Variants in LRRC7 observed in about 807,000 individuals in gnomAD.
The protein encoded by LRRC7 is leucine rich repeat containing 7.
Under a neutral mutation model 175.7 loss-of-function variants are expected in LRRC7, and 23 were observed. That is an observed-to-expected ratio of 0.13 (90% confidence interval 0.09 to 0.19). The LOEUF (loss-of-function observed/expected upper bound fraction) is 0.19. LRRC7 is among the 10% of genes least tolerant of loss of function. The pLI, the probability that LRRC7 is intolerant of heterozygous loss-of-function variation, is 1.00. For synonymous variants in LRRC7, 685 were observed against 680.9 expected, an observed-to-expected ratio of 1.01 and a Z score of -0.09; for missense variants, 1,354 against 1,904.7, an observed-to-expected ratio of 0.71 and a Z score of 5.38.
intron 9 of LRRC7, among the ~76,000 whole-genome samples, chr1:69,982,934 G>T (rs570743996): frequency 2.4e-4 from 37 of 152,254 alleles, no homozygotes; most frequent in African/African-American, 8.2e-4. Context: ...ATTCCAAAAA[G>T]AATGTTTAGG....
At chr1:69,587,242 C>A (rs1022716365) in intron 1 of LRRC7, among the ~76,000 whole-genome samples, 5 of 152,004 alleles carry the variant, frequency 3.3e-5, no homozygotes, top group Non-Finnish European at 7.4e-5. Context: ...TATGCTTTTT[C>A]TTCTAATTTT....
intron 9 of LRRC7, among the ~76,000 whole-genome samples, chr1:69,983,113 G>A (rs1258711802): frequency 6.6e-6 from 1 of 152,158 alleles, no homozygotes; most frequent in Non-Finnish European, 1.5e-5. Flanking sequence ...AGTGAACTTA[G>A]GTAACATGAT....
At chr1:69,966,691 C>T (rs893736390) in intron 8 of LRRC7, among the ~76,000 whole-genome samples, 2 of 152,206 alleles carry the variant, frequency 1.3e-5, no homozygotes, top group African/African-American at 4.8e-5. Context: ...AGATTGTCCG[C>T]CCCGAGCACA....
At chr1:69,774,221 G>A (rs147733845) in intron 3 of LRRC7, among the ~76,000 whole-genome samples, 41 of 152,250 alleles carry the variant, frequency 2.7e-4, no homozygotes, top group South Asian at 1.0e-3. Flanking sequence ...TGCTGCAGCC[G>A]GCTATACAGG....
chr1:70,080,834 T>C (rs1399479155), intron 24 of LRRC7, among the ~76,000 whole-genome samples: 1 of 152,164 alleles, frequency 6.6e-6, no homozygotes, highest in Admixed American at 6.5e-5. Flanking sequence ...AGTAGTGAAC[T>C]GAATAAAACA....
chr1:69,700,195 T>C (rs1320515063), intron 2 of LRRC7, among the ~76,000 whole-genome samples: 1 of 152,156 alleles, frequency 6.6e-6, no homozygotes, highest in Non-Finnish European at 1.5e-5. Context: ...TTGTAGATCC[T>C]GAAGCCAAAC....
chr1:69,975,692 A>G (rs997332907), intron 8 of LRRC7, among the ~76,000 whole-genome samples: 2 of 152,094 alleles, frequency 1.3e-5, no homozygotes, highest in African/African-American at 4.8e-5. Flanking sequence ...CTCATTTCCT[A>G]CTTCATCAAG....
At chr1:70,051,914 A>G (rs913453714) in intron 22 of LRRC7, among the ~76,000 whole-genome samples, 9 of 152,070 alleles carry the variant, frequency 5.9e-5, no homozygotes, top group Admixed American at 5.2e-4. Context: ...TAACCAGATA[A>G]AGCTTAGCAA....
At chr1:69,600,796 GT>G (rs777096787) in intron 1 of LRRC7, among the ~76,000 whole-genome samples, 14,735 of 26,136 alleles carry the variant, frequency 0.56, 2,893 homozygotes, top group South Asian at 0.6. Context: ...AGGATCTCTG[GT>G]TTCTTTTTTT....
At chr1:69,903,581 C>T (rs1646203933) in intron 7 of LRRC7, among the ~76,000 whole-genome samples, 1 of 152,102 alleles carries the variant, frequency 6.6e-6, no homozygotes, top group Non-Finnish European at 1.5e-5. Context: ...AACACCCTAA[C>T]ATCACAATTA....
intron 24 of LRRC7, among the ~76,000 whole-genome samples, chr1:70,078,824 G>A (rs61784285): frequency 0.66 from 86,014 of 130,306 alleles, 25,606 homozygotes; most frequent in Non-Finnish European, 0.7. Context: ...ACACACACAC[G>A]CACACACACA....
At chr1:69,629,858 T>C (rs1191483315) in intron 1 of LRRC7, among the ~76,000 whole-genome samples, 1 of 152,162 alleles carries the variant, frequency 6.6e-6, no homozygotes, top group Non-Finnish European at 1.5e-5. Context: ...CTATTTCTTA[T>C]CTTTGTCACT....
At chr1:69,731,486 A>T (rs1299691753) in intron 2 of LRRC7, among the ~76,000 whole-genome samples, 1 of 152,204 alleles carries the variant, frequency 6.6e-6, no homozygotes, top group Non-Finnish European at 1.5e-5. Flanking sequence ...TAAACTTACT[A>T]TTGTTTTACC....
chr1:69,919,900 A>AC, intron 7 of LRRC7: 3 of 658,870 alleles, frequency 4.6e-6, no homozygotes, highest in South Asian at 3.3e-5. Flanking sequence ...CAGTGGCCGA[A>AC]CCCCCCACTC....
At chr1:69,976,291 G>A (rs933204773) in intron 8 of LRRC7, among the ~76,000 whole-genome samples, 14 of 152,188 alleles carry the variant, frequency 9.2e-5, no homozygotes, top group Non-Finnish European at 5.9e-5. Context: ...AGAACTTGGA[G>A]TCCGATGTTT....
At chr1:70,021,169 T>C (rs1657454396) in intron 16 of LRRC7, 40 bp downstream of exon 16, 5 of 1,586,268 alleles carry the variant, frequency 3.2e-6, no homozygotes, top group African/African-American at 2.7e-5. Flanking sequence ...CTTCTCCTTA[T>C]CTTTTTGTTT....
intron 21 of LRRC7, among the ~76,000 whole-genome samples, chr1:70,041,950 T>A (rs1659938316): frequency 6.6e-6 from 1 of 152,218 alleles, no homozygotes; most frequent in South Asian, 2.1e-4. Context: ...AACTCATGTA[T>A]TTTTCATTGC....
At chr1:69,713,083 T>C (rs972740917) in intron 2 of LRRC7, among the ~76,000 whole-genome samples, 1 of 152,178 alleles carries the variant, frequency 6.6e-6, no homozygotes, top group African/African-American at 2.4e-5. Context: ...AGATATCACT[T>C]TCATGGATAC....
At chr1:69,928,188 G>A (rs1049209149) in intron 7 of LRRC7, among the ~76,000 whole-genome samples, 5 of 152,210 alleles carry the variant, frequency 3.3e-5, no homozygotes, top group Non-Finnish European at 7.4e-5. Context: ...GGAGTACCCG[G>A]CCGTGTGAGG....
Sources: allele counts gnomAD v4.1 joint callset (sites outside exome capture counted in the v4.1 genomes callset), GRCh38; gene constraint gnomAD v4.1.1; transcripts MANE v1.5; gene names NCBI Gene and HGNC (gene_info 2026-07-23, HGNC 2026-07-21).